AOAH: variants seen among roughly 807,000 people sequenced by gnomAD.
The protein encoded by AOAH is acyloxyacyl hydrolase.
AOAH carries 64 observed loss-of-function variants against 92.2 expected under a neutral mutation model. That is an observed-to-expected ratio of 0.69 (90% CI 0.57 to 0.86). The LOEUF is 0.86. AOAH is among the 40% of genes least tolerant of loss of function. The pLI, the probability that AOAH is intolerant of heterozygous loss-of-function variation, is 0.00. For synonymous variants in AOAH, 263 were observed against 254.5 expected, an observed-to-expected ratio of 1.03 and a Z score of -0.32; for missense variants, 656 against 694.6, an observed-to-expected ratio of 0.94 and a Z score of 0.62.
chr7:36,517,019 G>C (rs992359850), intron 20 of AOAH, among the ~76,000 whole-genome samples: 1 of 152,178 alleles, frequency 6.6e-6, no homozygotes, highest in Admixed American at 6.5e-5. Flanking sequence ...ATGATCCACT[G>C]TAATCATTCA....
chr7:36,664,261 G>A (rs1795404413), intron 3 of AOAH, among the ~76,000 whole-genome samples: 1 of 151,970 alleles, frequency 6.6e-6, no homozygotes, highest in South Asian at 2.1e-4. Context: ...TTAAATTTAT[G>A]TCTGTGATCC....
intron 12 of AOAH, among the ~76,000 whole-genome samples, chr7:36,580,092 A>G (rs977634213): frequency 6.6e-6 from 1 of 152,166 alleles, no homozygotes; most frequent in African/African-American, 2.4e-5. Context: ...GTCTGATTTT[A>G]CTCATAGTGT....
chr7:36,515,446 CCA>C (rs1219148606), intron 20 of AOAH, among the ~76,000 whole-genome samples: 1 of 104,270 alleles, frequency 9.6e-6, no homozygotes, highest in Non-Finnish European at 1.9e-5. Context: ...CACACAAACA[CCA>C]CACACACCAC....
intron 16 of AOAH, among the ~76,000 whole-genome samples, chr7:36,536,949 CAAAA>C (rs11441171): frequency 1.7e-4 from 8 of 47,462 alleles, no homozygotes; most frequent in Non-Finnish European, 2.4e-4. Context: ...GACTTCATCT[CAAAA>C]AAAAAAAAAA....
At chr7:36,586,750 A>C (rs1266557675) in intron 12 of AOAH, among the ~76,000 whole-genome samples, 1 of 152,214 alleles carries the variant, frequency 6.6e-6, no homozygotes, top group Non-Finnish European at 1.5e-5. Flanking sequence ...GGGAAATTTA[A>C]ATGTACATTT....
chr7:36,661,984 A>G (rs963728012), intron 3 of AOAH, among the ~76,000 whole-genome samples: 2 of 152,230 alleles, frequency 1.3e-5, no homozygotes, highest in African/African-American at 4.8e-5. Context: ...AGCAGTTGTA[A>G]CGGTTGCTAA....
chr7:36,692,957 G>A (rs1195551299), intron 1 of AOAH, among the ~76,000 whole-genome samples: 3 of 145,608 alleles, frequency 2.1e-5, no homozygotes, highest in Non-Finnish European at 4.5e-5. Context: ...TCAGAAAAAG[G>A]AGAAAAAGCT....
rs1326306053 is a variant in AOAH, at chr7:36,637,926, T to C, written c.391-16A>G. On this transcript the variant is annotated splice_polypyrimidine_tract_variant and intron_variant, in intron 4 of 20. Transcript: ENST00000617537. ...TCCATGTCTCCTATAAAAACAAAGTTAGAGAACATTACAACTCATGTTTTA... is the reference window on the plus strand; with the variant it reads ...TCCATGTCTCCTATAAAAACAAAGTCAGAGAACATTACAACTCATGTTTTA... 6.3e-7 allele frequency: 1 copy of C among 1,592,452 alleles called. No individual in the cohort carries two copies. The highest frequency in any genetic ancestry group is 1.7e-5 in the Admixed American group (1 of 59,960).
chr7:36,514,427 A>T, intron 20 of AOAH: 1 of 1,404,880 alleles, frequency 7.1e-7, no homozygotes, highest in Non-Finnish European at 9.7e-7. Flanking sequence ...TCCTTAGCTT[A>T]ATACACAGCA....
chr7:36,691,237 C>G (rs1797378106), intron 1 of AOAH, among the ~76,000 whole-genome samples: 1 of 152,164 alleles, frequency 6.6e-6, no homozygotes, highest in Non-Finnish European at 1.5e-5. Context: ...CAGATGAGCA[C>G]ATGGAGGCTG....
intron 4 of AOAH, among the ~76,000 whole-genome samples, chr7:36,656,163 G>C (rs1008733348): frequency 6.6e-6 from 1 of 152,166 alleles, no homozygotes; most frequent in African/African-American, 2.4e-5. Flanking sequence ...GACTCACTGG[G>C]ACAGTAGTGC....
chr7:36,603,653 G>A (rs994492515), intron 11 of AOAH, among the ~76,000 whole-genome samples: 7 of 152,178 alleles, frequency 4.6e-5, no homozygotes, highest in Admixed American at 2.0e-4. Flanking sequence ...ATATGTAAGT[G>A]AACGGGCATC....
rs943776308 is a variant in AOAH at position 36,594,292 on chromosome 7, C to T, written c.938+47G>A. On this transcript the variant is annotated intron_variant, in intron 12 of 20. Transcript: ENST00000617537. ...AGCAACCCCCATCTCTTGTTCTTTC[C>T]TTACACAGAGGTATTGAAATGTCTG... The T allele has an allele frequency of 2.1e-6, 3 of 1,455,492 alleles. No individual in the cohort carries two copies. In the African/African-American group the frequency reaches 4.2e-5, roughly 20 times the overall value. The allele number at this position is 1,455,492 out of a possible 1,614,324, so 90.2% of individuals were successfully genotyped here. A position where few individuals can be genotyped will look rare whatever the true frequency, so the allele number is the denominator to read the frequency against.
At chr7:36,648,019 TG>T (rs1412245738) in intron 4 of AOAH, among the ~76,000 whole-genome samples, 1 of 151,906 alleles carries the variant, frequency 6.6e-6, no homozygotes, top group Non-Finnish European at 1.5e-5. Flanking sequence ...TTAGTAGAGA[TG>T]GGGGTTTCAC....
At chr7:36,669,733 A>C (rs1250086564) in intron 3 of AOAH, among the ~76,000 whole-genome samples, 1 of 152,184 alleles carries the variant, frequency 6.6e-6, no homozygotes, top group Non-Finnish European at 1.5e-5. Flanking sequence ...ATTACATCTA[A>C]GGTATACCAT....
intron 4 of AOAH, among the ~76,000 whole-genome samples, chr7:36,654,328 C>T (rs1794754025): frequency 6.6e-6 from 1 of 152,112 alleles, no homozygotes; most frequent in African/African-American, 2.4e-5. Flanking sequence ...TTTTCTTCTT[C>T]TTCTTGTACC....
intron 20 of AOAH, among the ~76,000 whole-genome samples, chr7:36,518,031 G>T (rs1328748257): frequency 6.6e-6 from 1 of 151,676 alleles, no homozygotes; most frequent in Non-Finnish European, 1.5e-5. Flanking sequence ...TATTGAAGTC[G>T]AATTTAGACA....
intron 3 of AOAH, among the ~76,000 whole-genome samples, chr7:36,665,044 C>A (rs189695247): frequency 2.6e-5 from 4 of 152,298 alleles, no homozygotes; most frequent in African/African-American, 7.2e-5. Context: ...TCCTACTAGG[C>A]CCTACCTCCA....
chr7:36,721,417 C>T (rs1005292912), intron 1 of AOAH, among the ~76,000 whole-genome samples: 12 of 152,166 alleles, frequency 7.9e-5, no homozygotes, highest in Non-Finnish European at 1.5e-4. Flanking sequence ...AATAAACTCC[C>T]CTGCACACAC....
Sources: allele counts gnomAD v4.1 joint callset (sites outside exome capture counted in the v4.1 genomes callset), GRCh38; gene constraint gnomAD v4.1.1; transcripts MANE v1.5; gene names NCBI Gene and HGNC (gene_info 2026-07-23, HGNC 2026-07-21).